The following MCCC2 variants were observed in gnomAD, a reference collection of about 807,000 sequenced individuals.
MCCC2 encodes the protein methylcrotonyl-CoA carboxylase subunit 2.
A neutral mutation model predicts 77.2 loss-of-function variants in MCCC2; 52 were observed. The observed-to-expected ratio is 0.67, with a 90% CI of 0.54 to 0.85. The LOEUF (loss-of-function observed/expected upper bound fraction) is 0.85. Among genes scored for constraint, MCCC2 ranks in the 40% least tolerant of loss-of-function variants. MCCC2 has a pLI of 0.00. For missense variants in MCCC2, 682 were observed against 703.2 expected, an observed-to-expected ratio of 0.97 and a Z score of 0.34; for synonymous variants, 253 against 248.4, an observed-to-expected ratio of 1.02 and a Z score of -0.18.
chr5:71,601,617 T>C (rs1278845812), intron 4 of MCCC2, among the ~76,000 whole-genome samples: 2 of 152,220 alleles, frequency 1.3e-5, no homozygotes, highest in African/African-American at 2.4e-5. Flanking sequence ...AACACTACCC[T>C]GTGCTGGGTG....
At chr5:71,613,224 A>C (rs761514692) in intron 6 of MCCC2, among the ~76,000 whole-genome samples, 3 of 152,214 alleles carry the variant, frequency 2.0e-5, no homozygotes, top group African/African-American at 7.2e-5. Context: ...GGATATGGCT[A>C]TATCTTTTTA....
chr5:71,626,519 T>C (rs1171637196), intron 6 of MCCC2, 121 bp from the exon 7 acceptor site: 1 of 759,312 alleles, frequency 1.3e-6, no homozygotes, highest in East Asian at 2.7e-5. Flanking sequence ...TAAAATGATG[T>C]TCAGGGACCA....
At position 71,656,854 on chromosome 5, in the gene MCCC2, G is replaced by T. The variant is rs752240729; in HGVS notation, c.1686G>T (p.Arg562Ser). 6.2e-7 allele frequency: 1 copy of T among 1,609,798 alleles called. No individual in the cohort carries two copies. The highest frequency in any genetic ancestry group is 1.1e-5 in the South Asian group (1 of 91,002). Residue 562 changes from arginine to serine, a missense_variant, in exon 17 of 17, where the codon AGG (arginine) becomes AGT (serine). By Grantham distance (110) the Arg-to-Ser change is moderately radical. Transcript: ENST00000340941. ...AGAAGACTGACTTCGGTATCTTCAG[G>T]ATGTAACTGGAATAAAGGATGTTTT... ...PIEKTDFGIFRM is the reference protein window; with the variant it reads ...PIEKTDFGIFSM
chr5:71,598,597 G>A (rs976233697), intron 3 of MCCC2, among the ~76,000 whole-genome samples: 10 of 146,492 alleles, frequency 6.8e-5, no homozygotes, highest in South Asian at 2.2e-4. Context: ...GTGCCTCCAC[G>A]CCTGGCTAAT....
At chr5:71,591,188 A>G (rs908433482) in intron 1 of MCCC2, among the ~76,000 whole-genome samples, 3 of 152,256 alleles carry the variant, frequency 2.0e-5, no homozygotes, top group African/African-American at 7.2e-5. Context: ...TCTGTCAAAC[A>G]GAAGGAACTA....
chr5:71,649,382 G>A (rs907702718), intron 14 of MCCC2, 129 bp downstream of exon 14: 3 of 925,958 alleles, frequency 3.2e-6, no homozygotes, highest in South Asian at 1.5e-5. Flanking sequence ...ACCGTAATTT[G>A]TATCATTTGG....
Position 71,643,800 on chromosome 5 carries a change from C to A in MCCC2, c.1073-19C>A. On this transcript the variant is annotated intron_variant, in intron 11 of 16. Transcript: ENST00000340941. ...TGGAAAAGCACAAGACATAAATCTT[C>A]TTTGAACTTTCTTTTGAGGATTTGC... The A allele has an allele frequency of 6.2e-7, 1 of 1,614,080 alleles. No individual in the cohort carries two copies. The highest frequency in any genetic ancestry group is 8.5e-7 in the Non-Finnish European group (1 of 1,179,998).
intron 7 of MCCC2, among the ~76,000 whole-genome samples, chr5:71,631,690 G>A (rs1299431955): frequency 1.3e-5 from 2 of 151,954 alleles, no homozygotes; most frequent in Admixed American, 6.6e-5. Context: ...ACAGGCGCCC[G>A]CCACCGCGCC....
chr5:71,640,663 G>T (rs114862625), intron 10 of MCCC2, among the ~76,000 whole-genome samples: 131 of 152,176 alleles, frequency 8.6e-4, no homozygotes, highest in African/African-American at 3.1e-3. Flanking sequence ...TCTGAGCCCT[G>T]TCTCTACCCA....
intron 6 of MCCC2, among the ~76,000 whole-genome samples, chr5:71,624,358 A>G (rs1436842939): frequency 3.3e-5 from 5 of 151,910 alleles, no homozygotes; most frequent in Non-Finnish European, 7.4e-5. Flanking sequence ...GTCTTACTAC[A>G]TTTCTTTCTT....
intron 6 of MCCC2, among the ~76,000 whole-genome samples, chr5:71,618,515 TCC>T (rs747555390): frequency 0.31 from 41,266 of 131,680 alleles, 6,649 homozygotes; most frequent in East Asian, 0.52. Context: ...CTTCCTTCCT[TCC>T]TTCCTTCCTT....
At chr5:71,632,021 A>G in intron 7 of MCCC2, 100 bp from the exon 8 acceptor site, 1 of 1,041,136 alleles carries the variant, frequency 9.6e-7, no homozygotes, top group Admixed American at 1.7e-5. Context: ...TATGGAAGAA[A>G]AAGTACAGGT....
chr5:71,590,669 T>C (rs569954484), intron 1 of MCCC2, among the ~76,000 whole-genome samples: 1 of 151,860 alleles, frequency 6.6e-6, no homozygotes, highest in African/African-American at 2.4e-5. Context: ...ATAAAAAAAT[T>C]ACCTGGGCAT....
At chr5:71,602,863 T>C (rs189545727) in intron 5 of MCCC2, 1 of 593,714 alleles carries the variant, frequency 1.7e-6, no homozygotes, top group African/African-American at 1.9e-5. Context: ...GCCAGTTTTT[T>C]TCTCTATGTG....
intron 16 of MCCC2, among the ~76,000 whole-genome samples, chr5:71,656,074 G>A (rs1325032987): frequency 1.3e-5 from 2 of 152,198 alleles, no homozygotes; most frequent in African/African-American, 4.8e-5. Context: ...AATTAGCCAA[G>A]TGTGGTAGCG....
intron 6 of MCCC2, among the ~76,000 whole-genome samples, chr5:71,619,042 C>T (rs908718582): frequency 6.6e-6 from 1 of 152,104 alleles, no homozygotes; most frequent in African/African-American, 2.4e-5. Flanking sequence ...TTTCTCTTTT[C>T]CTTTGTGTTG....
intron 7 of MCCC2, among the ~76,000 whole-genome samples, chr5:71,628,158 T>C (rs2112416501): frequency 6.6e-6 from 1 of 152,334 alleles, no homozygotes; most frequent in Middle Eastern, 3.4e-3. Flanking sequence ...CATCTTTTCA[T>C]GTGCCTGTTG....
chr5:71,626,524 G>A lies in MCCC2; in HGVS notation c.625-116G>A, dbSNP rs573888576. The A allele has an allele frequency of 3.2e-4, 251 of 781,168 alleles. 2 individuals carry two copies. The highest frequency in any genetic ancestry group is 2.3e-3 in the South Asian group (155 of 67,624). 48.4% of individuals were successfully genotyped at this position (781,168 alleles called of 1,614,324 possible). ...ACTTTGTTTTTAAAATGATGTTCAG[G>A]GACCAACCAGTAATATCCCCTGGTC... On this transcript the variant is annotated intron_variant, in intron 6 of 16. Coordinates refer to ENST00000340941, the MANE Select transcript of MCCC2 (RefSeq NM_022132.5).
chr5:71,592,803 A>C, intron 1 of MCCC2, 123 bp from the exon 2 acceptor site: 1 of 770,080 alleles, frequency 1.3e-6, no homozygotes, highest in Non-Finnish European at 2.3e-6. Flanking sequence ...GGGGTGGCCC[A>C]GTGTGGCGGC....
Sources: gnomAD v4.1 joint callset for allele counts (sites outside exome capture counted in the v4.1 genomes callset) on GRCh38, gnomAD v4.1.1 for gene constraint, MANE v1.5 for transcripts, NCBI Gene and HGNC (gene_info 2026-07-23, HGNC 2026-07-21) for gene names.